The following GNG4 variants were observed in gnomAD, a reference collection of about 807,000 sequenced individuals.
The protein encoded by GNG4 is G protein subunit gamma 4, also known as guanine nucleotide-binding protein G(I)/G(S)/G(O) subunit gamma-4.
A neutral mutation model predicts 5.8 loss-of-function variants in GNG4; 4 were observed. The observed-to-expected ratio is 0.69, with a 90% confidence interval of 0.34 to 1.57. The LOEUF is 1.57. Among genes scored for constraint, GNG4 ranks in the 40% most tolerant of loss-of-function variants. The pLI is 0.06. For missense variants in GNG4, 96 were observed against 95.1 expected (o/e 1.01, Z -0.04); for synonymous variants, 29 against 32.9 (o/e 0.88, Z 0.41).
chr1:235,573,003 A>C (rs1337645432), intron 3 of GNG4, among the ~76,000 whole-genome samples: 12 of 152,192 alleles, frequency 7.9e-5, no homozygotes, highest in Admixed American at 7.9e-4. Flanking sequence ...CTTCCTTAAA[A>C]GTAGGACTCA....
rs60121178 is a variant in GNG4 at position 235,551,559 on chromosome 1, CAAA to C, written c.*547_*549del. ...CTCCATCTCAAAACAACAACAACAA[CAAA>C]AAAAAAACAAAAGAAAACCATTCCA... On this transcript the variant is annotated 3_prime_UTR_variant, in exon 4 of 4. Coordinates refer to ENST00000391854, the MANE Select transcript of GNG4 (RefSeq NM_001098722.2). 0.31 allele frequency: 47,139 copies of C among 150,660 alleles called. 8,697 individuals are homozygous for C. Among genetic ancestry groups the C allele is most frequent in the East Asian group, 0.69 (3,539 of 5,140 alleles). 9.3% of individuals were successfully genotyped at this position (150,660 alleles called of 1,614,324 possible). A position where few individuals can be genotyped will look rare whatever the true frequency, so the allele number is the denominator to read the frequency against.
In GNG4 at chr1:235,549,973, G is replaced by T. The variant is rs1182883415; in HGVS notation, c.*2136C>A. 2 of 152,206 alleles carry T rather than the reference G, an allele frequency of 1.3e-5. No homozygotes were observed. Among genetic ancestry groups the T allele is most frequent in the East Asian group, 1.9e-4 (1 of 5,198 alleles). The allele number at this position is 152,206 out of a possible 1,614,324, so 9.4% of individuals were successfully genotyped here. ...GGATAATTACCATTAAACCCAATTT[G>T]CAGGTTAGAACATTTCAGGCACAAA... On this transcript the variant is annotated 3_prime_UTR_variant, in exon 4 of 4. Transcript: ENST00000391854.
At position 235,550,709 on chromosome 1, in the gene GNG4, T is replaced by A. The variant is rs577414340; in HGVS notation, c.*1400A>T. On this transcript the variant is annotated 3_prime_UTR_variant, in exon 4 of 4. Transcript: ENST00000391854. ...CCCAGCTACTAGGGAGGCTGAGACA[T>A]GAGGATCACTTGAACCTGCGAGTGG... 3 of 152,078 alleles carry A rather than the reference T, an allele frequency of 2.0e-5. No homozygotes were observed. The highest frequency in any genetic ancestry group is 7.2e-5 in the African/African-American group (3 of 41,390). 9.4% of individuals were successfully genotyped at this position (152,078 alleles called of 1,614,324 possible).
intron 1 of GNG4, among the ~76,000 whole-genome samples, chr1:235,624,205 C>T (rs1355814935): frequency 6.6e-6 from 1 of 151,562 alleles, no homozygotes; most frequent in Non-Finnish European, 1.5e-5. Flanking sequence ...TGGGTGCAAG[C>T]AATTCTCCTG....
rs141263529 is a variant in GNG4, at chr1:235,632,996, T to C, written c.-123+16666A>G. ...ATCTGTTCCATACATTCAAAGGATC[T>C]CTCTACGGTGGTTATTCAGACCTTG... On this transcript the variant is annotated intron_variant, in intron 1 of 3. Coordinates refer to ENST00000391854, the MANE Select transcript of GNG4 (RefSeq NM_001098722.2). Among the ~76,000 whole-genome samples, 1,501 of 152,250 alleles carry C rather than the reference T, an allele frequency of 9.9e-3. 21 individuals are homozygous for C. Among genetic ancestry groups the C allele is most frequent in the African/African-American group, 0.032 (1,334 of 41,536 alleles).
intron 1 of GNG4, among the ~76,000 whole-genome samples, chr1:235,605,955 T>G (rs1210437650): frequency 5.7e-5 from 6 of 105,998 alleles, no homozygotes; most frequent in African/African-American, 6.8e-5. Context: ...ATTGAGAGTG[T>G]GGGGGGGTGG....
intron 1 of GNG4, among the ~76,000 whole-genome samples, chr1:235,632,600 T>C (rs1191092743): frequency 6.6e-6 from 1 of 152,206 alleles, no homozygotes; most frequent in African/African-American, 2.4e-5. Context: ...TAAAAATTAT[T>C]TGTATGACTT....
In GNG4 at chr1:235,649,684, C is replaced by T. The variant is rs543420863; in HGVS notation, c.-145G>A. 3.0e-4 allele frequency: 45 copies of T among 152,168 alleles called. No homozygotes were observed. The highest frequency in any genetic ancestry group is 1.0e-3 in the African/African-American group (43 of 41,564). The allele number at this position is 152,168 out of a possible 1,614,324, so 9.4% of individuals were successfully genotyped here. On this transcript the variant is annotated 5_prime_UTR_variant, in exon 1 of 4. Coordinates refer to ENST00000391854, the MANE Select transcript of GNG4 (RefSeq NM_001098722.2). The surrounding 1 kb of genome is among the most constrained non-coding windows in gnomAD (Gnocchi z 5.7). ...TACCCGGAGCGGGATCACGCGCGGG[C>T]TTCGTCTGCAGCGCGGTGCTCGCGG...
intron 1 of GNG4, among the ~76,000 whole-genome samples, chr1:235,620,747 G>C (rs1350922759): frequency 6.6e-6 from 1 of 152,162 alleles, no homozygotes; most frequent in Non-Finnish European, 1.5e-5. Flanking sequence ...GTGTTAGCCA[G>C]GAAGGTCTAG....
chr1:235,583,101 G>A lies in GNG4; in HGVS notation c.99+639C>T, dbSNP rs6684535. Among the ~76,000 whole-genome samples, 859 of 152,284 alleles carry A rather than the reference G, an allele frequency of 5.6e-3. 7 individuals are homozygous for A. Among genetic ancestry groups the A allele is most frequent in the African/African-American group, 0.02 (813 of 41,534 alleles). ...TCAGGTTCCCGACACCAGAGTTGGG[G>A]TTCCTTTCAACTCTATTACAGTCAA... On this transcript the variant is annotated intron_variant, in intron 3 of 3. Transcript: ENST00000391854.
At chr1:235,582,240 TTCACCTCACACACCTG>T (rs1687655492) in intron 3 of GNG4, among the ~76,000 whole-genome samples, 1 of 152,244 alleles carries the variant, frequency 6.6e-6, no homozygotes, top group South Asian at 2.1e-4. Context: ...TACAGGTTGG[TTCACCTCACACACCTG>T]TCACCTCATG....
chr1:235,641,060 C>T (rs1657312510), intron 1 of GNG4, among the ~76,000 whole-genome samples: 1 of 152,184 alleles, frequency 6.6e-6, no homozygotes, highest in Non-Finnish European at 1.5e-5. Flanking sequence ...AGGGGAAAGC[C>T]ACCTTATTCT....
chr1:235,612,375 T>C (rs2102969737), intron 1 of GNG4, among the ~76,000 whole-genome samples: 1 of 152,266 alleles, frequency 6.6e-6, no homozygotes, highest in East Asian at 1.9e-4. Context: ...TAGCCCCATG[T>C]GATGGTCATG....
chr1:235,623,745 G>A lies in GNG4; in HGVS notation c.-123+25917C>T, dbSNP rs138931846. On this transcript the variant is annotated intron_variant, in intron 1 of 3. Coordinates refer to ENST00000391854, the MANE Select transcript of GNG4 (RefSeq NM_001098722.2). ...CACTTTCACCTTTTAAATTCAGAGCGGGGGGTGCCTCCGCCACAGCAGCCC... is the reference window on the plus strand; with the variant it reads ...CACTTTCACCTTTTAAATTCAGAGCAGGGGGTGCCTCCGCCACAGCAGCCC... 2.5e-3 allele frequency among the ~76,000 whole-genome samples: 373 copies of A among 152,204 alleles called. 4 individuals carry two copies. Among genetic ancestry groups the A allele is most frequent in the African/African-American group, 8.5e-3 (353 of 41,534 alleles).
At chr1:235,594,107 A>G (rs1399344676) in intron 2 of GNG4, among the ~76,000 whole-genome samples, 4 of 151,994 alleles carry the variant, frequency 2.6e-5, no homozygotes, top group Non-Finnish European at 5.9e-5. Context: ...CTAGACACAA[A>G]AGTTCTCCAC....
At chr1:235,572,349 G>A (rs1049692751) in intron 3 of GNG4, among the ~76,000 whole-genome samples, 23 of 152,026 alleles carry the variant, frequency 1.5e-4, no homozygotes, top group African/African-American at 4.8e-4. Context: ...ACAGGCGCTC[G>A]CTACCACGCC....
chr1:235,610,873 T>G (rs1688462889), intron 1 of GNG4, among the ~76,000 whole-genome samples: 1 of 151,932 alleles, frequency 6.6e-6, no homozygotes, highest in South Asian at 2.1e-4. Context: ...TCACCTGAGG[T>G]CAGGAGTTCA....
chr1:235,583,873 T>G (rs750658490), intron 2 of GNG4, 25 bp from the exon 3 acceptor site: 13 of 1,439,322 alleles, frequency 9.0e-6, no homozygotes, highest in Non-Finnish European at 1.2e-5. Flanking sequence ...AGTAAAAGGG[T>G]TAGAAGAGCT....
intron 1 of GNG4, among the ~76,000 whole-genome samples, chr1:235,609,498 T>C (rs1688432054): frequency 6.6e-6 from 1 of 152,208 alleles, no homozygotes; most frequent in Admixed American, 6.5e-5. Context: ...TGACTAATGA[T>C]GTGGAGCATC....
Sources: allele counts gnomAD v4.1 joint callset (sites outside exome capture counted in the v4.1 genomes callset), GRCh38; gene constraint gnomAD v4.1.1; non-coding constraint Gnocchi (gnomAD v3.1); transcripts MANE v1.5; gene names NCBI Gene and HGNC (gene_info 2026-07-23, HGNC 2026-07-21).